Variants in TAFA5 observed in about 807,000 individuals in gnomAD.
TAFA5 encodes TAFA chemokine like family member 5.
TAFA5 carries 6 observed loss-of-function variants against 15.3 expected under a neutral mutation model. That is an observed-to-expected ratio of 0.39 (90% CI 0.21 to 0.77). TAFA5 has a LOEUF of 0.77. Ranked by LOEUF, TAFA5 falls within the 30% of genes least tolerant of loss-of-function variation. The pLI is 0.41. For synonymous variants in TAFA5, 103 were observed against 80.7 expected (o/e 1.28, Z -1.48); for missense variants, 161 against 193.1 (o/e 0.83, Z 0.98).
intron 1 of TAFA5, among the ~76,000 whole-genome samples, chr22:48,519,335 A>G (rs911562210): frequency 5.3e-5 from 8 of 152,220 alleles, no homozygotes; most frequent in Non-Finnish European, 1.0e-4. Context: ...ATAACTCTGG[A>G]GCCTAATGCC....
chr22:48,503,296 G>T (rs1024749716), intron 1 of TAFA5, among the ~76,000 whole-genome samples: 4 of 152,264 alleles, frequency 2.6e-5, no homozygotes, highest in Non-Finnish European at 5.9e-5. Context: ...GTTGTGAAAA[G>T]TCTGGCTGGT....
intron 3 of TAFA5, among the ~76,000 whole-genome samples, chr22:48,732,260 G>GT (rs1555903288): frequency 2.6e-5 from 4 of 151,108 alleles, no homozygotes; most frequent in South Asian, 2.1e-4. Context: ...TTGTTGTTTT[G>GT]TTTTTCTGAG....
chr22:48,746,979 C>T (rs1442716053), intron 3 of TAFA5, among the ~76,000 whole-genome samples: 3 of 152,196 alleles, frequency 2.0e-5, no homozygotes, highest in Non-Finnish European at 4.4e-5. Context: ...AGGACCCTCG[C>T]CCATACCCTA....
Position 48,695,700 on chromosome 22 carries a change from G to A in TAFA5, c.263-12017G>A, listed in dbSNP as rs147405389. Among the ~76,000 whole-genome samples the A allele has an allele frequency of 2.4e-3, 367 of 152,264 alleles. 2 individuals are homozygous for A. Among genetic ancestry groups the A allele is most frequent in the African/African-American group, 8.1e-3 (338 of 41,538 alleles). ...GGGTTGTGTGGTTCTCAGGTTTGGGGGTGGGCAAGGGCACCTGGCCAGGGT... is the reference window on the plus strand; with the variant it reads ...GGGTTGTGTGGTTCTCAGGTTTGGGAGTGGGCAAGGGCACCTGGCCAGGGT... On this transcript the variant is annotated intron_variant, in intron 2 of 3. Coordinates refer to ENST00000402357, the MANE Select transcript of TAFA5 (RefSeq NM_001082967.3).
At chr22:48,640,299 TGGCGTCTGAGTG>T (rs926011234) in intron 1 of TAFA5, among the ~76,000 whole-genome samples, 11 of 152,124 alleles carry the variant, frequency 7.2e-5, no homozygotes, top group Admixed American at 1.3e-4. Context: ...AGCTCAGAGC[TGGCGTCTGAGTG>T]GGCATGGGGG....
At chr22:48,592,632 G>A (rs1294560939) in intron 1 of TAFA5, among the ~76,000 whole-genome samples, 1 of 152,142 alleles carries the variant, frequency 6.6e-6, no homozygotes, top group Non-Finnish European at 1.5e-5. Context: ...TGTCTGGCCG[G>A]TATCTGCTGC....
chr22:48,502,621 C>T (rs997123397), intron 1 of TAFA5, among the ~76,000 whole-genome samples: 1 of 151,062 alleles, frequency 6.6e-6, no homozygotes, highest in Non-Finnish European at 1.5e-5. Flanking sequence ...TCCCAGGTTC[C>T]AGTGATTCTC....
At chr22:48,548,787 G>A (rs141696855) in intron 1 of TAFA5, among the ~76,000 whole-genome samples, 63 of 152,344 alleles carry the variant, frequency 4.1e-4, no homozygotes, top group Non-Finnish European at 6.8e-4. Flanking sequence ...CCCAACAGTC[G>A]CCTAACAACC....
At chr22:48,494,564 G>A (rs1005975013) in intron 1 of TAFA5, among the ~76,000 whole-genome samples, 2 of 152,200 alleles carry the variant, frequency 1.3e-5, no homozygotes, top group African/African-American at 2.4e-5. Flanking sequence ...GGCCCATAGC[G>A]TCTGGTGTGT....
chr22:48,534,854 A>T (rs1468757428), intron 1 of TAFA5, among the ~76,000 whole-genome samples: 4 of 151,654 alleles, frequency 2.6e-5, no homozygotes, highest in Non-Finnish European at 5.9e-5. Flanking sequence ...GCGACTGTGG[A>T]GGCTTGGCCG....
chr22:48,594,450 C>T (rs904267854), intron 1 of TAFA5, among the ~76,000 whole-genome samples: 3 of 152,214 alleles, frequency 2.0e-5, no homozygotes, highest in African/African-American at 4.8e-5. Context: ...CTGAGGGCTA[C>T]GCCCACGGGG....
chr22:48,724,314 G>A (rs1380444635), intron 3 of TAFA5, among the ~76,000 whole-genome samples: 3 of 152,332 alleles, frequency 2.0e-5, no homozygotes, highest in Middle Eastern at 3.4e-3. Flanking sequence ...GGTTCTCACA[G>A]GACACAGGGA....
intron 1 of TAFA5, among the ~76,000 whole-genome samples, chr22:48,585,954 C>T (rs1021400379): frequency 3.3e-5 from 5 of 152,248 alleles, no homozygotes; most frequent in Admixed American, 3.3e-4. Context: ...ATACCCCAAA[C>T]ACCACACAGT....
intron 2 of TAFA5, among the ~76,000 whole-genome samples, chr22:48,683,783 G>A (rs185219325): frequency 3.3e-5 from 5 of 152,322 alleles, no homozygotes; most frequent in South Asian, 4.1e-4. Context: ...GAGAGAGCTG[G>A]CAGGAGGTGA....
At chr22:48,593,525 A>G (rs891806781) in intron 1 of TAFA5, among the ~76,000 whole-genome samples, 1 of 151,856 alleles carries the variant, frequency 6.6e-6, no homozygotes, top group Non-Finnish European at 1.5e-5. Context: ...GGGGTCGGGG[A>G]TTAGGGACTG....
chr22:48,504,912 C>T lies in TAFA5; in HGVS notation c.112+15208C>T, dbSNP rs970475164. ...GGGGGCTCAGGGACCTGCCACACACCCCACCCTGCCCTGAGCCTCCTCTGA... is the reference window on the plus strand; with the variant it reads ...GGGGGCTCAGGGACCTGCCACACACTCCACCCTGCCCTGAGCCTCCTCTGA... On this transcript the variant is annotated intron_variant, in intron 1 of 3. Coordinates refer to ENST00000402357, the MANE Select transcript of TAFA5 (RefSeq NM_001082967.3). Among the ~76,000 whole-genome samples the T allele has an allele frequency of 7.9e-5, 12 of 152,102 alleles. No homozygotes were observed. In the South Asian group the frequency reaches 1.0e-3, roughly 13 times the overall value.
At chr22:48,705,106 GC>G (rs1347044887) in intron 2 of TAFA5, among the ~76,000 whole-genome samples, 1 of 152,136 alleles carries the variant, frequency 6.6e-6, no homozygotes, top group Non-Finnish European at 1.5e-5. Flanking sequence ...CCTTCTGAAG[GC>G]CCCATCTCCA....
chr22:48,635,585 C>G (rs1013939693), intron 1 of TAFA5, among the ~76,000 whole-genome samples: 1 of 152,192 alleles, frequency 6.6e-6, no homozygotes, highest in African/African-American at 2.4e-5. Flanking sequence ...TCCATCCCAG[C>G]TAAGGGGGGC....
intron 2 of TAFA5, among the ~76,000 whole-genome samples, chr22:48,661,825 G>C (rs1196609506): frequency 6.6e-6 from 1 of 152,210 alleles, no homozygotes; most frequent in Non-Finnish European, 1.5e-5. Flanking sequence ...GGGGGCCTGG[G>C]AGCCTGGGAG....
Sources: allele counts gnomAD v4.1 joint callset (sites outside exome capture counted in the v4.1 genomes callset), GRCh38; gene constraint gnomAD v4.1.1; transcripts MANE v1.5; gene names NCBI Gene and HGNC (gene_info 2026-07-23, HGNC 2026-07-21).